Variants in ANK3 observed in about 807,000 individuals in gnomAD.
The protein encoded by ANK3 is ankyrin-3.
ANK3 carries 57 observed loss-of-function variants against 370.9 expected under a neutral mutation model. The observed-to-expected ratio is 0.15, with a 90% CI of 0.12 to 0.19. ANK3 has a LOEUF of 0.19. Ranked by LOEUF, ANK3 falls within the 10% of genes least tolerant of loss-of-function variation. ANK3 has a pLI of 1.00. For missense variants in ANK3, 4,439 were observed against 5,302.1 expected, an observed-to-expected ratio of 0.84 and a Z score of 5.06; for synonymous variants, 1,929 against 1,946.3, an observed-to-expected ratio of 0.99 and a Z score of 0.23.
At chr10:60,311,953 C>T (rs191005998) in intron 1 of ANK3, among the ~76,000 whole-genome samples, 233 of 152,238 alleles carry the variant, frequency 1.5e-3, no homozygotes, top group African/African-American at 5.4e-3. Context: ...TGCCTCCAGC[C>T]CTGTAGAATT....
intron 2 of ANK3, among the ~76,000 whole-genome samples, chr10:60,413,926 G>A (rs562771720): frequency 1.9e-4 from 29 of 152,266 alleles, no homozygotes; most frequent in African/African-American, 6.7e-4. Flanking sequence ...GAGCCTAGGA[G>A]GTTGAGGATG....
chr10:60,269,580 G>A (rs2097932779), intron 5 of ANK3, among the ~76,000 whole-genome samples: 1 of 151,996 alleles, frequency 6.6e-6, no homozygotes, highest in African/African-American at 2.4e-5. Flanking sequence ...GGGAGGCGGA[G>A]GTTGCAGTGA....
intron 2 of ANK3, among the ~76,000 whole-genome samples, chr10:60,607,259 A>G (rs575199897): frequency 6.6e-5 from 10 of 152,238 alleles, no homozygotes; most frequent in African/African-American, 1.9e-4. Context: ...TATTATATCT[A>G]TTTTGCAGAT....
Position 60,572,322 on chromosome 10 carries a change from A to G in ANK3, c.96+42864T>C, listed in dbSNP as rs369991705. 8.5e-5 allele frequency: 68 copies of G among 795,778 alleles called. No homozygotes were observed. The African/African-American group carries it at 1.1e-3, about 13-fold the overall frequency. The allele number at this position is 795,778 out of a possible 1,614,324, so 49.3% of individuals were successfully genotyped here. On this transcript the variant is annotated intron_variant, in intron 2 of 43. Coordinates refer to the ANK3 transcript ENST00000373827. ...CCTCCAAGACAGAACACACCCATTA[A>G]TAGACTGGAAAAACAAAAGCATTCA...
At chr10:60,250,859 G>A (rs1474327306) in intron 7 of ANK3, among the ~76,000 whole-genome samples, 1 of 152,190 alleles carries the variant, frequency 6.6e-6, no homozygotes, top group Non-Finnish European at 1.5e-5. Flanking sequence ...CCTGGCCCAG[G>A]TAGAGACCAA....
intron 8 of ANK3, among the ~76,000 whole-genome samples, chr10:60,218,616 A>G (rs2096986578): frequency 6.6e-6 from 1 of 151,886 alleles, no homozygotes; most frequent in African/African-American, 2.4e-5. Flanking sequence ...TTGGCCCTCA[A>G]TCTCTTGGCT....
chr10:60,071,971 C>T lies in ANK3; in HGVS notation c.8910G>A (p.Met2970Ile), dbSNP rs1457198047. The T allele has an allele frequency of 6.2e-7, 1 of 1,613,978 alleles. No individual in the cohort carries two copies. Among genetic ancestry groups the T allele is most frequent in the African/African-American group, 1.3e-5 (1 of 74,918 alleles). Reference sequence around the variant, plus strand: ...AACCATCGGGAATATTAGAAGACAGCATTCTCCTCTCATCAGCAACTCTGA... The same window carrying T: ...AACCATCGGGAATATTAGAAGACAGTATTCTCCTCTCATCAGCAACTCTGA... ...IPVRVADERR[M>I]LSSNIPDGFC... Residue 2970 changes from methionine (M) to isoleucine (I), a missense_variant, in exon 37 of 44, where the codon ATG (methionine) becomes ATA (isoleucine). Coordinates refer to ENST00000280772, the MANE Select transcript of ANK3 (RefSeq NM_020987.5).
intron 17 of ANK3, among the ~76,000 whole-genome samples, chr10:60,184,365 G>C (rs922141364): frequency 1.3e-5 from 2 of 152,134 alleles, no homozygotes; most frequent in African/African-American, 4.8e-5. Context: ...TCACATCAGG[G>C]CATATTTAGT....
In ANK3 at chr10:60,138,945, G is replaced by C; in HGVS notation, c.2738+19C>G. The C allele has an allele frequency of 1.2e-6, 2 of 1,611,424 alleles. No homozygotes were observed. The highest frequency in any genetic ancestry group is 1.7e-6 in the Non-Finnish European group (2 of 1,179,202). ...TGGTTGTTTTAAATTAACTATGAAA[G>C]ACAGCAACAACGAAGTACCTGGCAG... is the stretch of plus-strand genomic sequence containing the variant. On this transcript the variant is annotated intron_variant, in intron 24 of 43. Transcript: ENST00000280772.
At chr10:60,698,435 A>G (rs2079495357) in intron 1 of ANK3, among the ~76,000 whole-genome samples, 1 of 151,716 alleles carries the variant, frequency 6.6e-6, no homozygotes, top group South Asian at 2.1e-4. Context: ...TCATGGTTCT[A>G]TAAAGACACA....
At chr10:60,361,826 T>C (rs1179233109) in intron 1 of ANK3, among the ~76,000 whole-genome samples, 1 of 152,226 alleles carries the variant, frequency 6.6e-6, no homozygotes, top group South Asian at 2.1e-4. Flanking sequence ...TGAAGTTTTG[T>C]ACATAGTTCT....
chr10:60,086,919 CTT>C (rs748424381), intron 29 of ANK3, 35 bp from the exon 30 acceptor site: 7,055 of 963,864 alleles, frequency 7.3e-3, no homozygotes, highest in South Asian at 0.012. Flanking sequence ...ATGAAAGTGA[CTT>C]TTTTTTTTTT....
rs751301922 is a variant in ANK3 at position 60,186,790 on chromosome 10, G to C, written c.2010C>G (p.Leu670=). ...TGTCCACGTGCCCTTCCTGAGCTGC[G>C]AGATGGACGGAAGCAATTCCTTGCC... ...VTRQGIASVH[L]AAQEGHVDMV... The change falls in exon 17 of 44, where the codon CTC becomes CTG. Residue 670 remains leucine, a synonymous_variant. Transcript: ENST00000280772. 6.2e-7 allele frequency: 1 copy of C among 1,614,106 alleles called. No individual in the cohort carries two copies. The highest frequency in any genetic ancestry group is 8.5e-7 in the Non-Finnish European group (1 of 1,180,014).
intron 2 of ANK3, among the ~76,000 whole-genome samples, chr10:60,477,031 C>A (rs931895343): frequency 2.0e-5 from 3 of 152,016 alleles, no homozygotes; most frequent in Non-Finnish European, 4.4e-5. Context: ...AGAACACCCA[C>A]CAAAAAAGGT....
chr10:60,341,726 T>G (rs539077714), intron 1 of ANK3, among the ~76,000 whole-genome samples: 2 of 152,314 alleles, frequency 1.3e-5, no homozygotes, highest in Admixed American at 6.5e-5. Flanking sequence ...GAGTCAGCAC[T>G]GAGTGATTGG....
At chr10:60,718,901 T>G (rs1003252262) in intron 1 of ANK3, among the ~76,000 whole-genome samples, 1 of 152,152 alleles carries the variant, frequency 6.6e-6, no homozygotes, top group Non-Finnish European at 1.5e-5. Context: ...TGCTTTTCCT[T>G]CAACCTAAAT....
At chr10:60,153,453 G>A (rs2095225974) in intron 23 of ANK3, among the ~76,000 whole-genome samples, 1 of 152,132 alleles carries the variant, frequency 6.6e-6, no homozygotes, top group Non-Finnish European at 1.5e-5. Context: ...TGATGGACTG[G>A]ATAGAAGTGC....
intron 9 of ANK3, among the ~76,000 whole-genome samples, chr10:60,212,076 A>G (rs1479462678): frequency 6.6e-6 from 1 of 152,080 alleles, no homozygotes; most frequent in Non-Finnish European, 1.5e-5. Flanking sequence ...TAACAAGAAA[A>G]TGTTCTTGAA....
chr10:60,176,461 C>T (rs943475951), intron 18 of ANK3, among the ~76,000 whole-genome samples: 2 of 151,998 alleles, frequency 1.3e-5, no homozygotes, highest in African/African-American at 4.8e-5. Flanking sequence ...TCTGATACCC[C>T]TTATAATTTT....
Sources: allele counts gnomAD v4.1 joint callset (sites outside exome capture counted in the v4.1 genomes callset), GRCh38; gene constraint gnomAD v4.1.1; transcripts MANE v1.5; gene names NCBI Gene and HGNC (gene_info 2026-07-23, HGNC 2026-07-21).